The following LUZP2 variants were observed in gnomAD, a reference collection of about 807,000 sequenced individuals.
LUZP2 encodes the protein leucine zipper protein 2.
A neutral mutation model predicts 51.6 loss-of-function variants in LUZP2; 52 were observed. The ratio of observed to expected loss-of-function variants is 1.01; its 90% CI spans 0.81 to 1.27. The LOEUF (loss-of-function observed/expected upper bound fraction) is 1.27. LUZP2 is among the 50% of genes most tolerant of loss of function. The pLI is 0.00. For synonymous variants in LUZP2, 154 were observed against 137.3 expected (o/e 1.12, Z -0.85); for missense variants, 436 against 395.4 (o/e 1.10, Z -0.87).
At chr11:24,872,042 C>A (rs542444998) in intron 5 of LUZP2, among the ~76,000 whole-genome samples, 1 of 152,076 alleles carries the variant, frequency 6.6e-6, no homozygotes, top group Admixed American at 6.6e-5. Context: ...TGTTTTCATC[C>A]CCACACCACC....
chr11:25,062,845 G>A (rs527528557), intron 10 of LUZP2, among the ~76,000 whole-genome samples: 38 of 151,258 alleles, frequency 2.5e-4, no homozygotes, highest in African/African-American at 8.0e-4. Context: ...TTGTAAAAAC[G>A]TTGTCTTAAT....
intron 1 of LUZP2, among the ~76,000 whole-genome samples, chr11:24,548,583 A>C (rs1441874566): frequency 6.6e-6 from 1 of 151,950 alleles, no homozygotes; most frequent in African/African-American, 2.4e-5. Context: ...TGAGAATTGA[A>C]AAACTACCTG....
intron 1 of LUZP2, among the ~76,000 whole-genome samples, chr11:24,498,997 G>A (rs1234833926): frequency 2.0e-5 from 3 of 152,132 alleles, no homozygotes; most frequent in Non-Finnish European, 2.9e-5. Context: ...TTTAATGTTC[G>A]ATATCTAATA....
At chr11:24,969,598 A>T (rs530382381) in intron 7 of LUZP2, among the ~76,000 whole-genome samples, 4 of 152,326 alleles carry the variant, frequency 2.6e-5, no homozygotes, top group African/African-American at 9.6e-5. Flanking sequence ...CTTCCCTTAG[A>T]TGAAGAAGAG....
At chr11:24,996,609 T>G (rs1432440222) in intron 9 of LUZP2, among the ~76,000 whole-genome samples, 2 of 148,466 alleles carry the variant, frequency 1.3e-5, no homozygotes, top group African/African-American at 2.5e-5. Context: ...TTTATTTTAT[T>G]TTATTTTATT....
chr11:24,947,967 T>G (rs1489040963), intron 7 of LUZP2, among the ~76,000 whole-genome samples: 1 of 151,912 alleles, frequency 6.6e-6, no homozygotes, highest in African/African-American at 2.4e-5. Context: ...ATGTGAAGAT[T>G]GTTGATCTTG....
At chr11:24,646,753 C>A in intron 1 of LUZP2, 1 of 227,446 alleles carries the variant, frequency 4.4e-6, no homozygotes, top group Non-Finnish European at 7.3e-6. Flanking sequence ...ACTTGAAATG[C>A]AAATATTTCG....
chr11:24,803,219 T>C (rs1344123434), intron 5 of LUZP2, among the ~76,000 whole-genome samples: 2 of 152,042 alleles, frequency 1.3e-5, no homozygotes, highest in Non-Finnish European at 2.9e-5. Context: ...TGAATTGATA[T>C]TTCCCCAAAT....
At chr11:24,524,149 T>C (rs1434830249) in intron 1 of LUZP2, among the ~76,000 whole-genome samples, 2 of 151,850 alleles carry the variant, frequency 1.3e-5, no homozygotes, top group Admixed American at 6.6e-5. Flanking sequence ...CATTTTCTAT[T>C]AGATGACAAA....
At chr11:24,891,105 A>T in intron 5 of LUZP2, 1 of 983,398 alleles carries the variant, frequency 1.0e-6, no homozygotes, top group Non-Finnish European at 1.2e-6. Context: ...CAGTGAGAAA[A>T]GAAATACAAA....
intron 7 of LUZP2, among the ~76,000 whole-genome samples, chr11:24,935,153 T>A (rs935609489): frequency 1.3e-5 from 2 of 152,194 alleles, no homozygotes; most frequent in Non-Finnish European, 2.9e-5. Context: ...TCTTTACATA[T>A]TCTTTTCTTG....
intron 1 of LUZP2, among the ~76,000 whole-genome samples, chr11:24,522,120 A>T (rs1850659970): frequency 6.6e-6 from 1 of 152,152 alleles, no homozygotes; most frequent in Non-Finnish European, 1.5e-5. Flanking sequence ...GAGAAACTTA[A>T]ATAAAGTGCT....
chr11:24,527,279 G>C (rs1850836236), intron 1 of LUZP2, among the ~76,000 whole-genome samples: 2 of 151,248 alleles, frequency 1.3e-5, no homozygotes, highest in East Asian at 3.9e-4. Context: ...GCAATAGTGG[G>C]AACTTTTCTG....
chr11:24,870,524 A>T (rs1852036015), intron 5 of LUZP2, among the ~76,000 whole-genome samples: 1 of 148,756 alleles, frequency 6.7e-6, no homozygotes, highest in Non-Finnish European at 1.5e-5. Context: ...TCCTTGTGAT[A>T]CTGAGAGCAT....
At chr11:24,655,675 C>A (rs995297326) in intron 1 of LUZP2, among the ~76,000 whole-genome samples, 20 of 152,118 alleles carry the variant, frequency 1.3e-4, no homozygotes, top group Admixed American at 1.3e-3. Context: ...AAAACAAATG[C>A]GTGGTCTGAA....
At chr11:24,690,071 T>A (rs1857020812) in intron 1 of LUZP2, among the ~76,000 whole-genome samples, 1 of 152,176 alleles carries the variant, frequency 6.6e-6, no homozygotes, top group East Asian at 1.9e-4. Flanking sequence ...ATAGATTAGA[T>A]GAGAAATCAA....
At chr11:25,050,791 C>T (rs1858485942) in intron 10 of LUZP2, among the ~76,000 whole-genome samples, 1 of 152,078 alleles carries the variant, frequency 6.6e-6, no homozygotes, top group Admixed American at 6.6e-5. Context: ...AACAAAAAAC[C>T]TTATAGGATG....
intron 1 of LUZP2, among the ~76,000 whole-genome samples, chr11:24,654,725 A>G (rs1016421553): frequency 2.1e-5 from 3 of 140,090 alleles, no homozygotes; most frequent in African/African-American, 5.4e-5. Flanking sequence ...GGGTTTCACC[A>G]TCTTGGCCAG....
At chr11:24,950,395 G>T (rs117101689) in intron 7 of LUZP2, among the ~76,000 whole-genome samples, 1 of 151,670 alleles carries the variant, frequency 6.6e-6, no homozygotes, top group Non-Finnish European at 1.5e-5. Context: ...ATCCAGTTGT[G>T]AATGCTTCAT....
Sources: allele counts gnomAD v4.1 joint callset (sites outside exome capture counted in the v4.1 genomes callset), GRCh38; gene constraint gnomAD v4.1.1; transcripts MANE v1.5; gene names NCBI Gene and HGNC (gene_info 2026-07-23, HGNC 2026-07-21).